Variants in NIBAN2 observed in about 807,000 individuals in gnomAD.
The protein encoded by NIBAN2 is niban apoptosis regulator 2, also known as protein Niban 2.
A neutral mutation model predicts 81.8 loss-of-function variants in NIBAN2; 36 were observed. The ratio of observed to expected loss-of-function variants is 0.44; its 90% CI spans 0.34 to 0.58. The LOEUF (loss-of-function observed/expected upper bound fraction) is 0.58. Among genes scored for constraint, NIBAN2 ranks in the 20% least tolerant of loss-of-function variants. The probability of loss-of-function intolerance (pLI) is 0.02; values close to 1 mark genes in which losing one functional copy is unlikely to be tolerated. For missense variants in NIBAN2, 897 were observed against 1,014.1 expected (o/e 0.88, Z 1.57); for synonymous variants, 445 against 441.6 (o/e 1.01, Z -0.10).
At chr9:127,542,796 C>T (rs1837404603) in intron 1 of NIBAN2, among the ~76,000 whole-genome samples, 1 of 152,236 alleles carries the variant, frequency 6.6e-6, no homozygotes, top group African/African-American at 2.4e-5. Flanking sequence ...GATCTTGGCT[C>T]ACTGCAACCT....
intron 1 of NIBAN2, among the ~76,000 whole-genome samples, chr9:127,552,378 G>A (rs1564315596): frequency 6.6e-6 from 1 of 151,922 alleles, no homozygotes; most frequent in Non-Finnish European, 1.5e-5. Flanking sequence ...TTTCAGACCA[G>A]TCTGGATGAC....
At chr9:127,533,406 G>A (rs1354880760) in intron 1 of NIBAN2, among the ~76,000 whole-genome samples, 1 of 152,104 alleles carries the variant, frequency 6.6e-6, no homozygotes, top group African/African-American at 2.4e-5. Flanking sequence ...GCAGTGAGCC[G>A]AGATCGTGCC....
upstream of NIBAN2, among the ~76,000 whole-genome samples, chr9:127,571,783 A>G (rs1434528461): frequency 1.3e-5 from 2 of 152,174 alleles, no homozygotes; most frequent in East Asian, 3.9e-4. Context: ...AGCTCTCCGC[A>G]AATCTGGGGC....
At chr9:127,569,201 GC>G (rs1431012155), upstream of NIBAN2, 2 of 434,646 alleles carry the variant, frequency 4.6e-6, no homozygotes, top group African/African-American at 9.1e-5. Context: ...ACCCCGCCCC[GC>G]CCCGCCCCGC....
chr9:127,575,278 G>T (rs371468427), intron 1 of NIBAN2, among the ~76,000 whole-genome samples: 2 of 150,424 alleles, frequency 1.3e-5, no homozygotes, highest in South Asian at 2.1e-4. Context: ...ACCCAGGCTG[G>T]AGTGCAGTGG....
chr9:127,517,394 C>T lies in NIBAN2; in HGVS notation c.706-178G>A, dbSNP rs1836854527. 1.3e-5 allele frequency among the ~76,000 whole-genome samples: 2 copies of T among 152,338 alleles called. No homozygotes were observed. Among genetic ancestry groups the T allele is most frequent in the South Asian group, 4.1e-4 (2 of 4,828 alleles). On this transcript the variant is annotated intron_variant, in intron 6 of 13. Transcript: ENST00000373312. This position sits in a 1 kb window ranked among gnomAD's most constrained non-coding sequence, Gnocchi z 4.0. The stretch of plus-strand genomic sequence containing the variant: ...TCCATTCCCACAGGTCCCAACTCAT[C>T]TGCCTGGGTGTCCTGTAGGATCCTC...
upstream of NIBAN2, among the ~76,000 whole-genome samples, chr9:127,570,252 C>T (rs1205248778): frequency 2.6e-5 from 4 of 152,194 alleles, no homozygotes; most frequent in Non-Finnish European, 4.4e-5. Flanking sequence ...CAGGCCTGTG[C>T]ACACCACAGG....
Position 127,545,890 on chromosome 9 carries a change from G to A in NIBAN2, c.56-14112C>T, listed in dbSNP as rs925555533. ...TCCCCTCCTGCCCCCCACCCCGCCT[G>A]CCTGGCAGCGGCCCCAGCCCACAGC... On this transcript the variant is annotated intron_variant, in intron 1 of 13. Transcript: ENST00000373312. This position sits in a 1 kb window ranked among gnomAD's most constrained non-coding sequence, Gnocchi z 4.7. Among the ~76,000 whole-genome samples, 45 of 152,142 alleles carry A rather than the reference G, an allele frequency of 3.0e-4. No individual in the cohort carries two copies. Among genetic ancestry groups the A allele is most frequent in the Admixed American group, 9.8e-4 (15 of 15,280 alleles).
chr9:127,516,845 G>T lies in NIBAN2; in HGVS notation c.973+12C>A. On this transcript the variant is annotated intron_variant, in intron 8 of 13. Transcript: ENST00000373312. ...CCTGGAGGGCCCGTCGAGCACGGGGGTGGCTGCCTACCTCGGATCTTGCTG... is the reference window on the plus strand; with the variant it reads ...CCTGGAGGGCCCGTCGAGCACGGGGTTGGCTGCCTACCTCGGATCTTGCTG... 2 of 1,606,376 alleles carry T rather than the reference G, an allele frequency of 1.2e-6. No homozygotes were observed. Among genetic ancestry groups the T allele is most frequent in the Non-Finnish European group, 1.7e-6 (2 of 1,173,504 alleles).
intron 1 of NIBAN2, among the ~76,000 whole-genome samples, chr9:127,557,619 T>C (rs1006670327): frequency 1.3e-5 from 2 of 152,152 alleles, no homozygotes. Context: ...TGCCACAATC[T>C]CAGCAGGAAG....
At chr9:127,533,661 C>T (rs1837224972) in intron 1 of NIBAN2, among the ~76,000 whole-genome samples, 1 of 152,202 alleles carries the variant, frequency 6.6e-6, no homozygotes, top group African/African-American at 2.4e-5. Context: ...ACCAAAACTC[C>T]TCCTATTTGT....
At chr9:127,548,856 A>G (rs1222803650) in intron 1 of NIBAN2, among the ~76,000 whole-genome samples, 5 of 152,156 alleles carry the variant, frequency 3.3e-5, no homozygotes, top group African/African-American at 1.2e-4. Context: ...GCCACGCCCT[A>G]TTGCCAAGCA....
intron 1 of NIBAN2, among the ~76,000 whole-genome samples, chr9:127,566,622 T>C (rs1837863768): frequency 6.6e-6 from 1 of 152,140 alleles, no homozygotes; most frequent in African/African-American, 2.4e-5. Context: ...CTTGGAACCC[T>C]AACAGGCCTG....
In NIBAN2 at chr9:127,507,262, C is replaced by G; in HGVS notation, c.1824G>C (p.Glu608Asp). The change falls in exon 14 of 14, where the codon GAG becomes GAC. Residue 608 changes from glutamate (E) to aspartate (D), a missense_variant. Coordinates refer to ENST00000373312, the MANE Select transcript of NIBAN2 (RefSeq NM_022833.4). The surrounding 1 kb of genome is among the most constrained non-coding windows in gnomAD (Gnocchi z 6.8). ...GTCGCTTTTCCGAGAGGGTGGCTGA[C>G]TCCGGGGTGCTGGGGCTGGGGCTGC... ...GGGSPSPSTP[E>D]SATLSEKRRR... The G allele has an allele frequency of 6.2e-7, 1 of 1,605,814 alleles. No homozygotes were observed. Among genetic ancestry groups the G allele is most frequent in the East Asian group, 2.2e-5 (1 of 44,624 alleles).
rs112826342 is a variant in NIBAN2, at chr9:127,536,829, C to T, written c.56-5051G>A. Among the ~76,000 whole-genome samples the T allele has an allele frequency of 9.8e-4, 150 of 152,338 alleles. 1 individual carries two copies. Among genetic ancestry groups the T allele is most frequent in the African/African-American group, 3.5e-3 (145 of 41,586 alleles). ...TCTGGCCATTGTCTACAGGGCCCCA[C>T]AGGCCCCCTACCTCCCCTTAGAGGG... On this transcript the variant is annotated intron_variant, in intron 1 of 13. Coordinates refer to ENST00000373312, the MANE Select transcript of NIBAN2 (RefSeq NM_022833.4). The surrounding 1 kb of genome is among the most constrained non-coding windows in gnomAD (Gnocchi z 4.0).
At chr9:127,520,159 C>A (rs563799077) in intron 5 of NIBAN2, among the ~76,000 whole-genome samples, 1 of 152,006 alleles carries the variant, frequency 6.6e-6, no homozygotes, top group Non-Finnish European at 1.5e-5. Flanking sequence ...TGTCTCCACA[C>A]CCCCCAAATT....
At chr9:127,561,398 A>G (rs1180964965) in intron 1 of NIBAN2, 2 of 533,516 alleles carry the variant, frequency 3.7e-6, no homozygotes, top group Non-Finnish European at 4.8e-6. Flanking sequence ...AGTCACAATC[A>G]TAACAGCTAC....
chr9:127,522,305 C>T lies in NIBAN2; in HGVS notation c.589+1374G>A, dbSNP rs552140905. On this transcript the variant is annotated intron_variant, in intron 5 of 13. Coordinates refer to ENST00000373312, the MANE Select transcript of NIBAN2 (RefSeq NM_022833.4). ...GAGGGGTGGGGTGAGCTGAGTCCCA[C>T]GGCAGCAGCCCAGAGGCCATTGGCG... is the stretch of plus-strand genomic sequence containing the variant. Among the ~76,000 whole-genome samples, 5 of 152,262 alleles carry T rather than the reference C, an allele frequency of 3.3e-5. No individual in the cohort carries two copies. The East Asian group carries it at 9.7e-4, about 29-fold the overall frequency.
chr9:127,522,075 G>GGGGAGGC (rs1434792415), intron 5 of NIBAN2, among the ~76,000 whole-genome samples: 24 of 152,222 alleles, frequency 1.6e-4, no homozygotes, highest in African/African-American at 4.8e-4. Context: ...GCCAGGGGCT[G>GGGGAGGC]GGGAGGCGGG....
Sources: allele counts gnomAD v4.1 joint callset (sites outside exome capture counted in the v4.1 genomes callset), GRCh38; gene constraint gnomAD v4.1.1; non-coding constraint Gnocchi (gnomAD v3.1); transcripts MANE v1.5; gene names NCBI Gene and HGNC (gene_info 2026-07-23, HGNC 2026-07-21).